The following EI24 variants were observed in gnomAD, a reference collection of about 807,000 sequenced individuals.
The protein encoded by EI24 is EI24 autophagy associated transmembrane protein, also known as etoposide-induced protein 2.4 homolog.
A neutral mutation model predicts 48.6 loss-of-function variants in EI24; 21 were observed. The observed-to-expected ratio is 0.43, with a 90% CI of 0.31 to 0.62. The LOEUF (loss-of-function observed/expected upper bound fraction) is 0.62. EI24 is among the 20% of genes least tolerant of loss of function. The pLI is 0.10. For synonymous variants in EI24, 114 were observed against 145.5 expected (o/e 0.78, Z 1.56); for missense variants, 280 against 410.5 (o/e 0.68, Z 2.75).
At chr11:125,577,600 G>C in intron 5 of EI24, 30 bp downstream of exon 5, 2 of 1,586,294 alleles carry the variant, frequency 1.3e-6, no homozygotes, top group African/African-American at 2.7e-5. Context: ...CTTGTCTGTT[G>C]GGGACAGAGT....
chr11:125,575,293 A>G lies in EI24; in HGVS notation c.73A>G (p.Thr25Ala), dbSNP rs750770393. The stretch of plus-strand genomic sequence containing the variant: ...CAAAGACTCCATCTGGGGTATTTGT[A>G]CCATCTCAAAGCTAGATGCTCGAAT... ...GIKDSIWGIC[T>A]ISKLDARIQQ... Residue 25 changes from threonine (T) to alanine (A), a missense_variant, in exon 3 of 11, where the codon ACC becomes GCC. Thr to Ala is a moderately conservative substitution (Grantham distance 58). Coordinates refer to ENST00000278903, the MANE Select transcript of EI24 (RefSeq NM_004879.5). 3.2e-6 allele frequency: 5 copies of G among 1,553,026 alleles called. No homozygotes were observed. Among genetic ancestry groups the G allele is most frequent in the Non-Finnish European group, 4.4e-6 (5 of 1,147,866 alleles).
intron 3 of EI24, 27 bp downstream of exon 3, chr11:125,575,435 A>G (rs1938701025): frequency 1.9e-6 from 3 of 1,543,584 alleles, no homozygotes; most frequent in Non-Finnish European, 8.8e-7. Context: ...TGATATCAAA[A>G]TGTCCAAGGG....
rs181877306 is a variant in EI24, at chr11:125,579,967, A to G, written c.562-126A>G. On this transcript the variant is annotated intron_variant, in intron 7 of 10. Coordinates refer to ENST00000278903, the MANE Select transcript of EI24 (RefSeq NM_004879.5). ...GAATGAGTCACTGTGCCCACCCTGC[A>G]CTCGGCCTTTTAGAAACTTGAGAAG... is the stretch of plus-strand genomic sequence containing the variant. 1.6e-4 allele frequency: 122 copies of G among 763,652 alleles called. No individual in the cohort carries two copies. In the African/African-American group the frequency reaches 2.0e-3, roughly 12 times the overall value. The allele number at this position is 763,652 out of a possible 1,614,324, so 47.3% of individuals were successfully genotyped here.
intron 4 of EI24, 130 bp from the exon 5 acceptor site, chr11:125,577,374 C>A: frequency 2.4e-6 from 2 of 831,088 alleles, no homozygotes; most frequent in Non-Finnish European, 3.8e-6. Context: ...CGCGCATGAG[C>A]CACCGCGCCC....
Position 125,576,247 on chromosome 11 carries a change from T to C in EI24, c.189-8T>C, listed in dbSNP as rs757106966. ...CTTTATAAACTAAATACATGTGATC[T>C]TTTCCAGTGAGCCACGTATTGTTAG... On this transcript the variant is annotated splice_polypyrimidine_tract_variant and splice_region_variant and intron_variant, in intron 3 of 10. Transcript: ENST00000278903. 6.2e-7 allele frequency: 1 copy of C among 1,613,178 alleles called. No individual in the cohort carries two copies. The highest frequency in any genetic ancestry group is 8.5e-7 in the Non-Finnish European group (1 of 1,179,366).
rs779759165 is a variant in EI24 at position 125,580,090 on chromosome 11, C to T, written c.562-3C>T. On this transcript the variant is annotated splice_region_variant and splice_polypyrimidine_tract_variant and intron_variant, in intron 7 of 10. Coordinates refer to ENST00000278903, the MANE Select transcript of EI24 (RefSeq NM_004879.5). Reference sequence around the variant, plus strand: ...ATTAAGATTTTCCATATTTGTTCTTCAGGGAATGTTTGTGAGTCTCTTTCC... The same window carrying T: ...ATTAAGATTTTCCATATTTGTTCTTTAGGGAATGTTTGTGAGTCTCTTTCC... The T allele has an allele frequency of 6.2e-7, 1 of 1,608,802 alleles. No homozygotes were observed. Among genetic ancestry groups the T allele is most frequent in the East Asian group, 2.2e-5 (1 of 44,860 alleles).
intron 1 of EI24, among the ~76,000 whole-genome samples, chr11:125,570,720 C>T (rs1167165843): frequency 6.6e-6 from 1 of 152,164 alleles, no homozygotes; most frequent in Non-Finnish European, 1.5e-5. Flanking sequence ...TTTTTTCATG[C>T]TGTTGTGCCC....
At position 125,578,889 on chromosome 11, in the gene EI24, C is replaced by T; in HGVS notation, c.442-60C>T. The T allele has an allele frequency of 5.9e-6, 9 of 1,533,834 alleles. 1 individual carries two copies. In the South Asian group the frequency reaches 1.1e-4, roughly 19 times the overall value. ...TCTAGTGGCGGACTAGTGGCCTTAG[C>T]TTTGGGGATGTATATCAAGGCCATT... On this transcript the variant is annotated intron_variant, in intron 6 of 10. Transcript: ENST00000278903.
intron 2 of EI24, chr11:125,574,608 C>T (rs1213568183): frequency 6.6e-6 from 1 of 152,196 alleles, no homozygotes; most frequent in Non-Finnish European, 1.5e-5. Flanking sequence ...TTAAATCCAG[C>T]TTGGCCATTG....
chr11:125,583,952 C>G lies in EI24; in HGVS notation c.*269C>G. 1 of 482,002 alleles carries G rather than the reference C, an allele frequency of 2.1e-6. No individual in the cohort carries two copies. Among genetic ancestry groups the G allele is most frequent in the Non-Finnish European group, 3.8e-6 (1 of 263,428 alleles). The allele number at this position is 482,002 out of a possible 1,614,324, so 29.9% of individuals were successfully genotyped here. On this transcript the variant is annotated 3_prime_UTR_variant, in exon 11 of 11. Transcript: ENST00000278903. ...GCTATTTTCTAGCATTTGCCAGTCC[C>G]TGTGCCTGGACTGATTGGAACACTT...
rs919957231 is a variant in EI24, at chr11:125,583,530, G to T, written c.870G>T (p.Gln290His). Residue 290 changes from glutamine (Q) to histidine (H), a missense_variant, in exon 11 of 11, where the codon CAG becomes CAT. Around this residue, in one of 3 missense-constraint regions of EI24, gnomAD observed 62 missense variants for 65.1 expected, o/e 0.95. Transcript: ENST00000278903. ...AKTPGKAYLF[Q>H]LRLFSLVVFL... ...GTTTCTTGCCTTTTAGTCTCTTCCAGTTGCGCCTCTTCTCCTTGGTGGTCT... is the reference window on the plus strand; with the variant it reads ...GTTTCTTGCCTTTTAGTCTCTTCCATTTGCGCCTCTTCTCCTTGGTGGTCT... The T allele has an allele frequency of 1.9e-6, 3 of 1,592,244 alleles. No homozygotes were observed. Among genetic ancestry groups the T allele is most frequent in the Non-Finnish European group, 2.6e-6 (3 of 1,167,588 alleles).
intron 1 of EI24, among the ~76,000 whole-genome samples, chr11:125,571,930 C>T (rs1370557069): frequency 6.6e-6 from 1 of 152,184 alleles, no homozygotes; most frequent in East Asian, 1.9e-4. Flanking sequence ...TACGCAATTT[C>T]ATGTCATACC....
Position 125,575,285 on chromosome 11 carries a change from G to T in EI24, c.65G>T (p.Gly22Val). 2 of 1,551,004 alleles carry T rather than the reference G, an allele frequency of 1.3e-6. No homozygotes were observed. Among genetic ancestry groups the T allele is most frequent in the Non-Finnish European group, 1.7e-6 (2 of 1,146,736 alleles). ...LARGIKDSIWGICTISKLDAR... is the reference protein window; with the variant it reads ...LARGIKDSIWVICTISKLDAR... ...TAGGGAATCAAAGACTCCATCTGGG[G>T]TATTTGTACCATCTCAAAGCTAGAT... Residue 22 changes from glycine (G) to valine (V), a missense_variant, in exon 3 of 11, where the codon GGT (glycine) becomes GTT (valine). This residue lies in a region of EI24 where 204 missense variants were observed against 294.1 expected (regional missense o/e 0.69). Coordinates refer to ENST00000278903, the MANE Select transcript of EI24 (RefSeq NM_004879.5).
chr11:125,581,830 A>C (rs1450133726), intron 9 of EI24, among the ~76,000 whole-genome samples: 1 of 151,882 alleles, frequency 6.6e-6, no homozygotes, highest in African/African-American at 2.4e-5. Context: ...TATAGACATG[A>C]GCTACCATGC....
chr11:125,571,240 C>G (rs550604478), intron 1 of EI24, among the ~76,000 whole-genome samples: 1 of 152,274 alleles, frequency 6.6e-6, no homozygotes, highest in Non-Finnish European at 1.5e-5. Flanking sequence ...GTATTATGGT[C>G]ATACCTCTTA....
At chr11:125,574,379 G>C (rs112804233) in intron 2 of EI24, among the ~76,000 whole-genome samples, 11 of 152,106 alleles carry the variant, frequency 7.2e-5, no homozygotes, top group African/African-American at 2.7e-4. Context: ...TAGGCCCTCA[G>C]CCATTTGAAC....
Position 125,578,922 on chromosome 11 carries a change from T to C in EI24, c.442-27T>C, listed in dbSNP as rs1301512767. 7 of 1,556,778 alleles carry C rather than the reference T, an allele frequency of 4.5e-6. No individual in the cohort carries two copies. In the African/African-American group the frequency reaches 8.2e-5, roughly 18 times the overall value. On this transcript the variant is annotated intron_variant, in intron 6 of 10. Transcript: ENST00000278903. ...ATGTATATCAAGGCCATTTAATTCATGTTTTGGTACACTTTCTCTGTTACA... is the reference window on the plus strand; with the variant it reads ...ATGTATATCAAGGCCATTTAATTCACGTTTTGGTACACTTTCTCTGTTACA...
rs762483784 is a variant in EI24, at chr11:125,582,431, G to C, written c.860+11G>C. The stretch of plus-strand genomic sequence containing the variant: ...CCCTGGCAAAGCATAGTAAGTATTA[G>C]CCAGTGATGAAATTTTTGCTGTGTA... On this transcript the variant is annotated intron_variant, in intron 10 of 10. Transcript: ENST00000278903. 30 of 1,583,586 alleles carry C rather than the reference G, an allele frequency of 1.9e-5. No individual in the cohort carries two copies. The highest frequency in any genetic ancestry group is 2.5e-5 in the Non-Finnish European group (29 of 1,166,310).
rs1258536422 is a variant in EI24 at position 125,584,261 on chromosome 11, A to AAAAAAC, written c.*579_*580insAAAACA. 7.7e-6 allele frequency: 1 copy of AAAAAAC among 130,496 alleles called. No homozygotes were observed. The highest frequency in any genetic ancestry group is 1.6e-5 in the Non-Finnish European group (1 of 60,916). The allele number at this position is 130,496 out of a possible 1,614,324, so 8.1% of individuals were successfully genotyped here. ...AAAAAAAAAAAAAAAAAAAAAAAAA[A>AAAAAAC]AGCCTGAAGAGATGAGATAGGAGGA... On this transcript the variant is annotated 3_prime_UTR_variant, in exon 11 of 11. Coordinates refer to ENST00000278903, the MANE Select transcript of EI24 (RefSeq NM_004879.5).
Sources: gnomAD v4.1 joint callset for allele counts (sites outside exome capture counted in the v4.1 genomes callset) on GRCh38, gnomAD v4.1.1 for gene constraint, gnomAD v4.1.1 regional missense constraint, MANE v1.5 for transcripts, NCBI Gene and HGNC (gene_info 2026-07-23, HGNC 2026-07-21) for gene names.